The following PLCE1 variants were observed in gnomAD, a reference collection of about 807,000 sequenced individuals.
PLCE1 encodes the protein phospholipase C epsilon 1.
Under a neutral mutation model 242.8 loss-of-function variants are expected in PLCE1, and 119 were observed. That is an observed-to-expected ratio of 0.49 (90% CI 0.42 to 0.57). The LOEUF is 0.57. Among genes scored for constraint, PLCE1 ranks in the 20% least tolerant of loss-of-function variants. PLCE1 has a pLI of 0.00. For synonymous variants in PLCE1, 945 were observed against 1,017.4 expected, an observed-to-expected ratio of 0.93 and a Z score of 1.35; for missense variants, 2,441 against 2,788.8, an observed-to-expected ratio of 0.88 and a Z score of 2.81.
chr10:94,147,937 AAG>A (rs1429487267), intron 3 of PLCE1, among the ~76,000 whole-genome samples: 1 of 152,224 alleles, frequency 6.6e-6, no homozygotes, highest in Non-Finnish European at 1.5e-5. Context: ...TAGATTAACA[AAG>A]AGACAGACAT....
chr10:94,139,782 T>C (rs1207710096), intron 3 of PLCE1, among the ~76,000 whole-genome samples: 2 of 152,040 alleles, frequency 1.3e-5, no homozygotes, highest in African/African-American at 4.8e-5. Context: ...AGCCATATAG[T>C]AGTTTTGGAA....
At position 94,270,595 on chromosome 10, in the gene PLCE1, T is replaced by C; in HGVS notation, c.4499T>C (p.Ile1500Thr). The change falls in exon 18 of 33, where the codon ATT becomes ACT. Residue 1500 changes from isoleucine (I) to threonine (T), a missense_variant. Ile to Thr is a moderately conservative substitution (Grantham distance 89, BLOSUM62 -1). Coordinates refer to ENST00000371380, the MANE Select transcript of PLCE1 (RefSeq NM_016341.4). ...CCTCAGCAACGAAAAATGGCAGAAA[T>C]TTTCAAGGTGAGCTCTCAACAAAAA... Reference protein sequence around the residue: ...SLPQQRKMAEIFKTVFGEKLV... With the variant: ...SLPQQRKMAETFKTVFGEKLV... 6.3e-7 allele frequency: 1 copy of C among 1,590,976 alleles called. No individual in the cohort carries two copies. Among genetic ancestry groups the C allele is most frequent in the Non-Finnish European group, 8.6e-7 (1 of 1,158,988 alleles).
chr10:94,121,900 G>T (rs2046312698), intron 2 of PLCE1, among the ~76,000 whole-genome samples: 1 of 152,182 alleles, frequency 6.6e-6, no homozygotes, highest in African/African-American at 2.4e-5. Flanking sequence ...CAAGGCCCTG[G>T]GAGCCATGAA....
At position 94,258,889 on chromosome 10, in the gene PLCE1, T is replaced by A. The variant is rs778591304; in HGVS notation, c.3644T>A (p.Phe1215Tyr). 2 of 1,614,122 alleles carry A rather than the reference T, an allele frequency of 1.2e-6. No individual in the cohort carries two copies. Among genetic ancestry groups the A allele is most frequent in the African/African-American group, 2.7e-5 (2 of 75,042 alleles). Residue 1215 changes from phenylalanine (F) to tyrosine (Y), a missense_variant, in exon 12 of 33, where the codon TTT becomes TAT. Around this residue, in one of 5 missense-constraint regions of PLCE1, gnomAD observed 1,004 missense variants for 1,322.7 expected, o/e 0.76. Transcript: ENST00000371380. Reference sequence around the variant, plus strand: ...ATGGTTTCAGATAGCAACATGAGTTTTGTTGAATTTGTTGAGCTGTTCAAA... The same window carrying A: ...ATGGTTTCAGATAGCAACATGAGTTATGTTGAATTTGTTGAGCTGTTCAAA... Reference protein sequence around the residue: ...SFMVSDSNMSFVEFVELFKSF... With the variant: ...SFMVSDSNMSYVEFVELFKSF...
chr10:94,007,706 T>C (rs1467751405), intron 1 of PLCE1, among the ~76,000 whole-genome samples: 1 of 140,280 alleles, frequency 7.1e-6, no homozygotes, highest in Non-Finnish European at 1.5e-5. Flanking sequence ...TTTCTTTTTT[T>C]TTTTTTTTTT....
intron 31 of PLCE1, 69 bp downstream of exon 31, chr10:94,324,636 C>G (rs1187229749): frequency 1.6e-6 from 2 of 1,282,442 alleles, no homozygotes; most frequent in Non-Finnish European, 1.1e-6. Context: ...GTAGCCAGAT[C>G]TGGAAGCTGG....
chr10:94,262,189 C>T (rs1273176322), intron 13 of PLCE1, among the ~76,000 whole-genome samples: 2 of 151,794 alleles, frequency 1.3e-5, no homozygotes, highest in South Asian at 2.1e-4. Flanking sequence ...CTAGTAGAGA[C>T]GGGGATTCAC....
intron 1 of PLCE1, among the ~76,000 whole-genome samples, chr10:94,002,734 C>G (rs757483637): frequency 2.8e-4 from 42 of 152,106 alleles, no homozygotes; most frequent in Non-Finnish European, 5.6e-4. Context: ...GAACCGGTCT[C>G]CTAAGAGACT....
At chr10:94,257,447 G>C (rs905521070) in intron 11 of PLCE1, among the ~76,000 whole-genome samples, 5 of 152,030 alleles carry the variant, frequency 3.3e-5, no homozygotes, top group Non-Finnish European at 7.4e-5. Flanking sequence ...TATAAATCAT[G>C]CTGCTATAAA....
At chr10:94,156,654 T>A (rs113839300) in intron 3 of PLCE1, among the ~76,000 whole-genome samples, 1,637 of 152,270 alleles carry the variant, frequency 0.011, 34 homozygotes, top group African/African-American at 0.037. Context: ...CACCTCAGCA[T>A]GATTAATTTA....
intron 4 of PLCE1, among the ~76,000 whole-genome samples, chr10:94,182,353 G>A (rs538145507): frequency 1.2e-4 from 18 of 151,522 alleles, no homozygotes; most frequent in South Asian, 2.1e-4. Flanking sequence ...TACAACCTCC[G>A]CCTCCCAGGT....
intron 4 of PLCE1, among the ~76,000 whole-genome samples, chr10:94,207,953 T>C (rs925719660): frequency 6.6e-6 from 1 of 152,240 alleles, no homozygotes; most frequent in African/African-American, 2.4e-5. Context: ...GGGATTGTTA[T>C]TTCTTACTGA....
At chr10:94,124,395 A>AAAAG (rs1323256949) in intron 2 of PLCE1, among the ~76,000 whole-genome samples, 29 of 151,396 alleles carry the variant, frequency 1.9e-4, no homozygotes, top group African/African-American at 2.9e-4. Context: ...AAAAAAAAAA[A>AAAAG]AAAGAAAGAA....
At chr10:94,296,908 C>T (rs1284963062) in intron 23 of PLCE1, among the ~76,000 whole-genome samples, 4 of 151,844 alleles carry the variant, frequency 2.6e-5, no homozygotes, top group Non-Finnish European at 5.9e-5. Context: ...GAGTCTCACC[C>T]TGTTGCCCAG....
chr10:94,186,847 C>T (rs534385312), intron 4 of PLCE1, among the ~76,000 whole-genome samples: 2 of 152,310 alleles, frequency 1.3e-5, no homozygotes, highest in East Asian at 3.9e-4. Flanking sequence ...TAATTTCTCT[C>T]GCATTCGTTG....
chr10:94,026,668 A>G (rs990513178), intron 1 of PLCE1, among the ~76,000 whole-genome samples: 9 of 152,204 alleles, frequency 5.9e-5, no homozygotes, highest in Admixed American at 5.2e-4. Flanking sequence ...TACAAAATGT[A>G]TATATATATT....
At chr10:94,184,647 A>T (rs1375641994) in intron 4 of PLCE1, among the ~76,000 whole-genome samples, 2 of 152,104 alleles carry the variant, frequency 1.3e-5, no homozygotes, top group Non-Finnish European at 2.9e-5. Context: ...CTAACTTTAT[A>T]CACTCACCCC....
chr10:94,085,919 A>G (rs2044806810), intron 2 of PLCE1, among the ~76,000 whole-genome samples: 1 of 152,236 alleles, frequency 6.6e-6, no homozygotes, highest in Non-Finnish European at 1.5e-5. Flanking sequence ...GATGTGGCCA[A>G]ATAATAATAC....
At chr10:94,048,756 T>TAG (rs71485909) in intron 2 of PLCE1, among the ~76,000 whole-genome samples, 50 of 146,460 alleles carry the variant, frequency 3.4e-4, no homozygotes, top group African/African-American at 9.8e-4. Flanking sequence ...CACATATATA[T>TAG]AGAGAGAGAG....
Sources: gnomAD v4.1 joint callset for allele counts (sites outside exome capture counted in the v4.1 genomes callset) on GRCh38, gnomAD v4.1.1 for gene constraint, gnomAD v4.1.1 regional missense constraint, MANE v1.5 for transcripts, NCBI Gene and HGNC (gene_info 2026-07-23, HGNC 2026-07-21) for gene names.